The following NAA11 variants were observed in gnomAD, a reference collection of about 807,000 sequenced individuals.
The protein encoded by NAA11 is N-alpha-acetyltransferase 11.
NAA11 carries 15 observed loss-of-function variants against 16.1 expected under a neutral mutation model. The ratio of observed to expected loss-of-function variants is 0.93; its 90% CI spans 0.62 to 1.44. The LOEUF (loss-of-function observed/expected upper bound fraction) is 1.44. Among genes scored for constraint, NAA11 ranks in the 40% most tolerant of loss-of-function variants. The probability of loss-of-function intolerance (pLI) is 0.00; values close to 1 mark genes in which losing one functional copy is unlikely to be tolerated. For missense variants in NAA11, 298 were observed against 291.3 expected, an observed-to-expected ratio of 1.02 and a Z score of -0.17; for synonymous variants, 122 against 112.4, an observed-to-expected ratio of 1.09 and a Z score of -0.54.
At chr4:79,312,103 CTT>C (rs367974480), downstream of NAA11, among the ~76,000 whole-genome samples, 1 of 152,196 alleles carries the variant, frequency 6.6e-6, no homozygotes. Context: ...GCAAAAACGT[CTT>C]GATTGCCAAA....
chr4:79,161,201 A>G, the NAA11 span, among the ~76,000 whole-genome samples: 1 of 152,066 alleles, frequency 6.6e-6, no homozygotes, highest in African/African-American at 2.4e-5. Context: ...TCCCATTCCC[A>G]TTCTTTCCCT....
chr4:79,206,172 C>T, the NAA11 span, among the ~76,000 whole-genome samples: 4 of 151,882 alleles, frequency 2.6e-5, no homozygotes, highest in Non-Finnish European at 4.4e-5. Flanking sequence ...TGATAGGAAT[C>T]GCATTGAATC....
chr4:79,175,950 G>A, the NAA11 span, among the ~76,000 whole-genome samples: 711 of 152,228 alleles, frequency 4.7e-3, 6 homozygotes, highest in African/African-American at 0.016. Flanking sequence ...AGCTGCTCTT[G>A]ATGCTATATT....
intron 2 of NAA11, among the ~76,000 whole-genome samples, chr4:79,280,747 C>G (rs1466817236): frequency 6.6e-6 from 1 of 151,940 alleles, no homozygotes; most frequent in Admixed American, 6.6e-5. Flanking sequence ...ATGCCTGGCT[C>G]TAACACATGA....
chr4:79,159,096 TTAAAC>T, the NAA11 span, among the ~76,000 whole-genome samples: 1 of 152,110 alleles, frequency 6.6e-6, no homozygotes, highest in Non-Finnish European at 1.5e-5. Context: ...CTACACTTAA[TTAAAC>T]TAAAGAGCTT....
chr4:79,166,730 G>C, the NAA11 span, among the ~76,000 whole-genome samples: 1 of 148,890 alleles, frequency 6.7e-6, no homozygotes, highest in East Asian at 2.1e-4. Context: ...TTAGCTGGGC[G>C]TGGTGGCACG....
the NAA11 span, among the ~76,000 whole-genome samples, chr4:79,167,782 G>A: frequency 1.3e-5 from 2 of 152,096 alleles, no homozygotes; most frequent in Admixed American, 6.6e-5. Context: ...CATGGAAGGC[G>A]AAGGGGAAGC....
At chr4:79,299,113 T>C (rs984871765) in intron 1 of NAA11, 2 of 152,220 alleles carry the variant, frequency 1.3e-5, no homozygotes, top group African/African-American at 4.8e-5. Context: ...CAAATATACA[T>C]TCAACATTTT....
chr4:79,207,713 T>C, the NAA11 span, among the ~76,000 whole-genome samples: 1 of 152,130 alleles, frequency 6.6e-6, no homozygotes, highest in Non-Finnish European at 1.5e-5. Flanking sequence ...CTTCAAAGGG[T>C]TATCATTAGT....
chr4:79,236,385 A>G (rs1037783069), intron 2 of NAA11, among the ~76,000 whole-genome samples: 1 of 152,122 alleles, frequency 6.6e-6, no homozygotes, highest in Non-Finnish European at 1.5e-5. Context: ...TAAGTTTCAG[A>G]TAAAAATAAC....
At chr4:79,188,334 C>T in the NAA11 span, among the ~76,000 whole-genome samples, 1 of 151,952 alleles carries the variant, frequency 6.6e-6, no homozygotes, top group African/African-American at 2.4e-5. Context: ...GCCTGTAATC[C>T]CAGCACTTTG....
intron 2 of NAA11, among the ~76,000 whole-genome samples, chr4:79,238,737 T>G (rs1476134092): frequency 6.6e-6 from 1 of 152,176 alleles, no homozygotes; most frequent in Non-Finnish European, 1.5e-5. Context: ...TGGCAGTTGT[T>G]CAGTCATAAG....
chr4:79,214,793 A>G, the NAA11 span, among the ~76,000 whole-genome samples: 1 of 152,022 alleles, frequency 6.6e-6, no homozygotes, highest in Non-Finnish European at 1.5e-5. Context: ...GCAAGACTCC[A>G]TCTAAAAAAA....
the NAA11 span, among the ~76,000 whole-genome samples, chr4:79,203,424 A>G: frequency 6.6e-6 from 1 of 151,974 alleles, no homozygotes; most frequent in African/African-American, 2.4e-5. Context: ...ATTATCCTAC[A>G]GAAGTACCCA....
At chr4:79,283,419 G>A (rs879821960) in intron 2 of NAA11, among the ~76,000 whole-genome samples, 1 of 151,974 alleles carries the variant, frequency 6.6e-6, no homozygotes, top group Non-Finnish European at 1.5e-5. Context: ...GGGAGACCTG[G>A]GCTTTGATAA....
chr4:79,214,949 A>G, the NAA11 span, among the ~76,000 whole-genome samples: 1 of 152,210 alleles, frequency 6.6e-6, no homozygotes, highest in Non-Finnish European at 1.5e-5. Context: ...ACTCTCCAGT[A>G]CAGTGAGCCA....
chr4:79,209,304 T>C, the NAA11 span, among the ~76,000 whole-genome samples: 3 of 152,206 alleles, frequency 2.0e-5, no homozygotes, highest in African/African-American at 4.8e-5. Context: ...TTGAAGCATT[T>C]GAAGTGGGTG....
intron 2 of NAA11, among the ~76,000 whole-genome samples, chr4:79,275,988 A>G (rs1722638488): frequency 6.6e-6 from 1 of 152,118 alleles, no homozygotes; most frequent in Non-Finnish European, 1.5e-5. Flanking sequence ...AATACATTTG[A>G]TATTTTAAAA....
At chr4:79,239,853 C>A (rs1007091105) in intron 2 of NAA11, among the ~76,000 whole-genome samples, 2 of 152,110 alleles carry the variant, frequency 1.3e-5, no homozygotes, top group Non-Finnish European at 2.9e-5. Flanking sequence ...CTAGATTTCC[C>A]CAGCTAGCCC....
Sources: gnomAD v4.1 joint callset for allele counts (sites outside exome capture counted in the v4.1 genomes callset) on GRCh38, gnomAD v4.1.1 for gene constraint, MANE v1.5 for transcripts, NCBI Gene and HGNC (gene_info 2026-07-23, HGNC 2026-07-21) for gene names.